MOCS2: variants seen among roughly 807,000 people sequenced by gnomAD.
MOCS2 encodes molybdenum cofactor synthesis 2.
Under a neutral mutation model 21.9 loss-of-function variants are expected in MOCS2, and 13 were observed. The observed-to-expected ratio is 0.59, with a 90% CI of 0.39 to 0.94. The LOEUF (loss-of-function observed/expected upper bound fraction) is 0.94. Ranked by LOEUF, MOCS2 falls within the 40% of genes least tolerant of loss-of-function variation. The pLI is 0.00. For synonymous variants in MOCS2, 92 were observed against 80.8 expected (o/e 1.14, Z -0.74); for missense variants, 227 against 218.3 (o/e 1.04, Z -0.25).
At chr5:53,106,159 G>A (rs1437758842) in intron 3 of MOCS2, among the ~76,000 whole-genome samples, 1 of 151,952 alleles carries the variant, frequency 6.6e-6, no homozygotes, top group Non-Finnish European at 1.5e-5. Context: ...GGGTGGCCTA[G>A]AGACTGAAAT....
At chr5:53,101,539 A>G (rs544321549) in intron 4 of MOCS2, 30 bp from the exon 5 acceptor site, 1 of 1,466,822 alleles carries the variant, frequency 6.8e-7, no homozygotes, top group East Asian at 2.3e-5. Flanking sequence ...GAAAAAGAAA[A>G]CAATTAAAAT....
chr5:53,109,389 G>A lies in MOCS2; in HGVS notation c.-308C>T, dbSNP rs944693180. ...CATTTCTTTTTAGATTAAAATTTTA[G>A]CTTCATCAAAACGAATAATCTGGGA... On this transcript the variant is annotated 5_prime_UTR_variant, in exon 1 of 7. Transcript: ENST00000396954. 2 of 1,200,570 alleles carry A rather than the reference G, an allele frequency of 1.7e-6. No homozygotes were observed. Among genetic ancestry groups the A allele is most frequent in the Non-Finnish European group, 2.1e-6 (2 of 967,432 alleles). The allele number at this position is 1,200,570 out of a possible 1,614,324, so 74.4% of individuals were successfully genotyped here.
At chr5:53,107,041 C>T (rs368473120) in intron 3 of MOCS2, 36 bp downstream of exon 3, 2 of 1,612,154 alleles carry the variant, frequency 1.2e-6, no homozygotes, top group East Asian at 2.2e-5. Context: ...TGATCCTTCC[C>T]CACACGACTG....
At chr5:53,100,320 G>A in intron 6 of MOCS2, 91 bp downstream of exon 6, 1 of 1,430,498 alleles carries the variant, frequency 7.0e-7, no homozygotes, top group Non-Finnish European at 9.8e-7. Flanking sequence ...ACTACAGTCA[G>A]TAAAAAGTCC....
intron 5 of MOCS2, 42 bp downstream of exon 5, chr5:53,101,317 A>G (rs766718360): frequency 2.5e-6 from 4 of 1,587,082 alleles, no homozygotes; most frequent in Non-Finnish European, 8.6e-7. Context: ...AAAGATGGAA[A>G]ACAATTACAC....
In MOCS2 at chr5:53,101,418, A is replaced by G. The variant is rs142746131; in HGVS notation, c.318T>C (p.Ile106=). 5.9e-4 allele frequency: 946 copies of G among 1,613,972 alleles called. 21 individuals carry two copies. The South Asian group carries it at 7.3e-3, about 13-fold the overall frequency. The change falls in exon 5 of 7, where the codon ATT becomes ATC. Residue 106 remains isoleucine, a synonymous_variant. Coordinates refer to ENST00000396954, the MANE Select transcript of MOCS2 (RefSeq NM_004531.5). ...GCCATTTCTGCCTAATGTCACTACA[A>G]ATCTTTCTGACTTCATTTTCCGCCA... ...LPMAENEVRK[I]CSDIRQKWPV...
chr5:53,098,454 T>C lies in MOCS2; in HGVS notation c.*148A>G. 1 of 713,362 alleles carries C rather than the reference T, an allele frequency of 1.4e-6. No individual in the cohort carries two copies. The highest frequency in any genetic ancestry group is 2.5e-6 in the Non-Finnish European group (1 of 395,648). 44.2% of individuals were successfully genotyped at this position (713,362 alleles called of 1,614,324 possible). On this transcript the variant is annotated 3_prime_UTR_variant, in exon 7 of 7. Transcript: ENST00000396954. ...ACCCTTCATCCTACATACCCATTTA[T>C]CTTGCTTCCTTTTTCTCCCTTTTGT... is the stretch of plus-strand genomic sequence containing the variant.
At chr5:53,108,777 T>A in intron 1 of MOCS2, 134 bp from the exon 2 acceptor site, 1 of 942,998 alleles carries the variant, frequency 1.1e-6, no homozygotes, top group Non-Finnish European at 1.5e-6. Flanking sequence ...AAATAACCCG[T>A]AAAAAATTTC....
intron 5 of MOCS2, 113 bp from the exon 6 acceptor site, chr5:53,100,647 T>G: frequency 9.0e-7 from 1 of 1,108,970 alleles, no homozygotes; most frequent in South Asian, 1.4e-5. Context: ...AATTATACTG[T>G]AGTTCTATTT....
At chr5:53,100,191 A>C (rs528460244) in intron 6 of MOCS2, among the ~76,000 whole-genome samples, 57 of 152,316 alleles carry the variant, frequency 3.7e-4, no homozygotes, top group African/African-American at 1.3e-3. Flanking sequence ...CCAGACTAGG[A>C]ATTCTCACTG....
Position 53,109,552 on chromosome 5 carries a change from G to C in MOCS2, c.-471C>G. ...AGCCCGGAGACAGGAAGGGCCCGGGGGCGGGGGCGGGGGCGCCCCCGAACC... is the reference window on the plus strand; with the variant it reads ...AGCCCGGAGACAGGAAGGGCCCGGGCGCGGGGGCGGGGGCGCCCCCGAACC... On this transcript the variant is annotated 5_prime_UTR_variant, in exon 1 of 7. Coordinates refer to ENST00000396954, the MANE Select transcript of MOCS2 (RefSeq NM_004531.5). The C allele has an allele frequency of 7.2e-7, 1 of 1,397,026 alleles. No homozygotes were observed. The allele number at this position is 1,397,026 out of a possible 1,614,324, so 86.5% of individuals were successfully genotyped here. A position where few individuals can be genotyped will look rare whatever the true frequency, so the allele number is the denominator to read the frequency against.
Position 53,101,441 on chromosome 5 carries a change from C to G in MOCS2, c.295G>C (p.Ala99Pro). ...CAAATCTTTCTGACTTCATTTTCCG[C>G]CATGGGTAGATATGCTTCATATTCT... Reference protein sequence around the residue: ...SLEYEAYLPMAENEVRKICSD... With the variant: ...SLEYEAYLPMPENEVRKICSD... Residue 99 changes from alanine (A) to proline (P), a missense_variant, in exon 5 of 7, where the codon GCG (alanine) becomes CCG (proline). By Grantham distance (27) the Ala-to-Pro change is conservative (BLOSUM62 -1). Transcript: ENST00000396954. 2 of 1,613,206 alleles carry G rather than the reference C, an allele frequency of 1.2e-6. No homozygotes were observed. Among genetic ancestry groups the G allele is most frequent in the Non-Finnish European group, 1.7e-6 (2 of 1,179,464 alleles).
Position 53,109,448 on chromosome 5 carries a change from G to C in MOCS2, c.-367C>G. 1.6e-6 allele frequency: 2 copies of C among 1,275,284 alleles called. No individual in the cohort carries two copies. The highest frequency in any genetic ancestry group is 2.9e-5 in the South Asian group (1 of 34,672). The allele number at this position is 1,275,284 out of a possible 1,614,324, so 79.0% of individuals were successfully genotyped here. Reference sequence around the variant, plus strand: ...GTCATAAAAGGTGGAGGCGCCTTCAGAACGAGTCCGTCCTTGCTGCCGTGA... The same window carrying C: ...GTCATAAAAGGTGGAGGCGCCTTCACAACGAGTCCGTCCTTGCTGCCGTGA... On this transcript the variant is annotated 5_prime_UTR_variant, in exon 1 of 7. Transcript: ENST00000396954.
rs149734112 is a variant in MOCS2 at position 53,108,200 on chromosome 5, C to G, written c.-48+322G>C. On this transcript the variant is annotated intron_variant, in intron 2 of 6. Coordinates refer to ENST00000396954, the MANE Select transcript of MOCS2 (RefSeq NM_004531.5). ...GAGGGGCAGAACAAAATGTTTAAAG[C>G]ACACATTTTTAACAGAATTTGTAAC... 2.3e-3 allele frequency: 502 copies of G among 222,276 alleles called. 3 individuals are homozygous for G. The highest frequency in any genetic ancestry group is 0.01 in the African/African-American group (438 of 42,748). 13.8% of individuals were successfully genotyped at this position (222,276 alleles called of 1,614,324 possible). A position where few individuals can be genotyped will look rare whatever the true frequency, so the allele number is the denominator to read the frequency against.
At chr5:53,104,945 T>C (rs1329468132) in intron 3 of MOCS2, among the ~76,000 whole-genome samples, 1 of 152,216 alleles carries the variant, frequency 6.6e-6, no homozygotes, top group Non-Finnish European at 1.5e-5. Context: ...TCATTCTGTC[T>C]GTACTTATAA....
At chr5:53,105,703 G>T (rs1664686212) in intron 3 of MOCS2, among the ~76,000 whole-genome samples, 1 of 152,096 alleles carries the variant, frequency 6.6e-6, no homozygotes, top group South Asian at 2.1e-4. Flanking sequence ...AAAAGCAATT[G>T]CAGCAAAAGC....
chr5:53,100,841 A>G (rs1394338362), intron 5 of MOCS2: 3 of 382,910 alleles, frequency 7.8e-6, no homozygotes, highest in African/African-American at 4.1e-5. Context: ...GTGCCAAGTA[A>G]TGCCTAGAAA....
chr5:53,098,725 A>G (rs1390270454), intron 6 of MOCS2, 58 bp from the exon 7 acceptor site: 19 of 1,183,170 alleles, frequency 1.6e-5, no homozygotes, highest in Non-Finnish European at 1.6e-5. Flanking sequence ...TACGAATATA[A>G]AATATATTTG....
intron 6 of MOCS2, among the ~76,000 whole-genome samples, chr5:53,099,902 G>T (rs1195565834): frequency 6.6e-6 from 1 of 152,116 alleles, no homozygotes; most frequent in Non-Finnish European, 1.5e-5. Context: ...TTTAACCAGA[G>T]AATTACTTGC....
Sources: allele counts gnomAD v4.1 joint callset (sites outside exome capture counted in the v4.1 genomes callset), GRCh38; gene constraint gnomAD v4.1.1; transcripts MANE v1.5; gene names NCBI Gene and HGNC (gene_info 2026-07-23, HGNC 2026-07-21).